The following ZNF250 variants were observed in gnomAD, a reference collection of about 807,000 sequenced individuals.
The protein encoded by ZNF250 is zinc finger protein 250.
A neutral mutation model predicts 37.1 loss-of-function variants in ZNF250; 13 were observed. That is an observed-to-expected ratio of 0.35 (90% confidence interval 0.23 to 0.56). The LOEUF is 0.56. ZNF250 is among the 20% of genes least tolerant of loss of function. The probability of loss-of-function intolerance (pLI) is 0.87; values close to 1 mark genes in which losing one functional copy is unlikely to be tolerated. For synonymous variants in ZNF250, 251 were observed against 265.6 expected (o/e 0.94, Z 0.54); for missense variants, 474 against 697.9 (o/e 0.68, Z 3.61).
At chr8:144,883,391 G>A (rs1041240027) in intron 5 of ZNF250, among the ~76,000 whole-genome samples, 2 of 151,552 alleles carry the variant, frequency 1.3e-5, no homozygotes, top group Middle Eastern at 3.4e-3. Context: ...CCAGGCTGGA[G>A]TGCAGTGGCA....
chr8:144,893,021 G>C (rs28415729), intron 1 of ZNF250, among the ~76,000 whole-genome samples: 1 of 150,408 alleles, frequency 6.6e-6, no homozygotes, highest in Non-Finnish European at 1.5e-5. Flanking sequence ...CAGCACGCTC[G>C]GCTAATTTTT....
chr8:144,888,414 T>C (rs1832051799), intron 4 of ZNF250, among the ~76,000 whole-genome samples: 2 of 151,896 alleles, frequency 1.3e-5, no homozygotes, highest in Admixed American at 6.6e-5. Flanking sequence ...CTGGCCAACA[T>C]GGTGAAATCC....
rs1832174515 is a variant in ZNF250, at chr8:144,889,705, G to C, written c.170-11C>G. The stretch of plus-strand genomic sequence containing the variant: ...TGGATCCTGGAAGTCCTGCTCGTGG[G>C]GAGGGAAGTCTTTGTTTACACAACA... On this transcript the variant is annotated splice_polypyrimidine_tract_variant and intron_variant, in intron 3 of 5. Coordinates refer to ENST00000417550, the MANE Select transcript of ZNF250 (RefSeq NM_001109689.4). 2 of 1,611,612 alleles carry C rather than the reference G, an allele frequency of 1.2e-6. No homozygotes were observed. The highest frequency in any genetic ancestry group is 2.7e-5 in the African/African-American group (2 of 74,890).
In ZNF250 at chr8:144,901,362, G is replaced by C. The variant is rs1833096973; in HGVS notation, c.-55+37C>G. On this transcript the variant is annotated intron_variant, in intron 1 of 5. Transcript: ENST00000417550. The surrounding 1 kb of genome is among the most constrained non-coding windows in gnomAD (Gnocchi z 5.4). ...CGGCTCCGGTGTCCGTGATGGGAGA[G>C]GGTCCTGGCCGGCGACGACACGCGC... 6.6e-6 allele frequency: 1 copy of C among 152,538 alleles called. No individual in the cohort carries two copies. 9.4% of individuals were successfully genotyped at this position (152,538 alleles called of 1,614,324 possible).
In ZNF250 at chr8:144,881,101, G is replaced by A. The variant is rs183634333; in HGVS notation, c.*414C>T. ...AAATAGTCCGACTTTCAAATTTTAA[G>A]TGCAATAATTAGTATGGTTAATTGA... On this transcript the variant is annotated 3_prime_UTR_variant, in exon 6 of 6. Transcript: ENST00000417550. 118 of 163,608 alleles carry A rather than the reference G, an allele frequency of 7.2e-4. 2 individuals carry two copies. In the East Asian group the frequency reaches 0.016, roughly 22 times the overall value. 10.1% of individuals were successfully genotyped at this position (163,608 alleles called of 1,614,324 possible).
intron 1 of ZNF250, among the ~76,000 whole-genome samples, chr8:144,900,780 G>A (rs1263116130): frequency 1.3e-5 from 2 of 152,186 alleles, no homozygotes; most frequent in Non-Finnish European, 2.9e-5. Context: ...ACTTTTTATA[G>A]CTAAGTAAAG....
intron 5 of ZNF250, among the ~76,000 whole-genome samples, chr8:144,883,666 A>C (rs1831663434): frequency 6.6e-6 from 1 of 151,094 alleles, no homozygotes; most frequent in Non-Finnish European, 1.5e-5. Flanking sequence ...CATGTGGAGA[A>C]TGCAGTGGCA....
In ZNF250 at chr8:144,882,950, G is replaced by T; in HGVS notation, c.347-114C>A. 8.8e-7 allele frequency: 1 copy of T among 1,142,676 alleles called. No individual in the cohort carries two copies. The highest frequency in any genetic ancestry group is 1.3e-6 in the Non-Finnish European group (1 of 797,932). The allele number at this position is 1,142,676 out of a possible 1,614,324, so 70.8% of individuals were successfully genotyped here. A position where few individuals can be genotyped will look rare whatever the true frequency, so the allele number is the denominator to read the frequency against. ...TGCAAAATCCCTCAATGCACACGTT[G>T]GTGTGAGCTACAGAAGAACAGAACC... On this transcript the variant is annotated intron_variant, in intron 5 of 5. Coordinates refer to ENST00000417550, the MANE Select transcript of ZNF250 (RefSeq NM_001109689.4). The surrounding 1 kb of genome is among the most constrained non-coding windows in gnomAD (Gnocchi z 5.5).
At position 144,879,029 on chromosome 8, in the gene ZNF250, C is replaced by A. The variant is rs937644117; in HGVS notation, c.*2486G>T. 6 of 152,222 alleles carry A rather than the reference C, an allele frequency of 3.9e-5. No homozygotes were observed. Among genetic ancestry groups the A allele is most frequent in the Non-Finnish European group, 7.3e-5 (5 of 68,036 alleles). 9.4% of individuals were successfully genotyped at this position (152,222 alleles called of 1,614,324 possible). On this transcript the variant is annotated 3_prime_UTR_variant, in exon 6 of 6. Coordinates refer to ENST00000417550, the MANE Select transcript of ZNF250 (RefSeq NM_001109689.4). ...CTTTCTGAAGTGACGCCTCAGTGATCTCAGCTCTTCTCCAAAGAAACAGTT... is the reference window on the plus strand; with the variant it reads ...CTTTCTGAAGTGACGCCTCAGTGATATCAGCTCTTCTCCAAAGAAACAGTT...
Position 144,891,063 on chromosome 8 carries a change from G to A in ZNF250, c.-54-660C>T, listed in dbSNP as rs1195450898. ...TGAGAAGGGGATGCTTGGGGTAGTGGGGCTGGTGCTGGAACGTAACAGGAC... is the reference window on the plus strand; with the variant it reads ...TGAGAAGGGGATGCTTGGGGTAGTGAGGCTGGTGCTGGAACGTAACAGGAC... On this transcript the variant is annotated intron_variant, in intron 1 of 5. Transcript: ENST00000417550. The surrounding 1 kb of genome is among the most constrained non-coding windows in gnomAD (Gnocchi z 4.0). Among the ~76,000 whole-genome samples, 1 of 152,112 alleles carries A rather than the reference G, an allele frequency of 6.6e-6. No individual in the cohort carries two copies. The highest frequency in any genetic ancestry group is 2.4e-5 in the African/African-American group (1 of 41,408).
chr8:144,890,111 G>C lies in ZNF250; in HGVS notation c.43-52C>G. The C allele has an allele frequency of 6.3e-7, 1 of 1,592,864 alleles. No individual in the cohort carries two copies. Among genetic ancestry groups the C allele is most frequent in the Non-Finnish European group, 8.6e-7 (1 of 1,169,456 alleles). ...AAAACCAAATCCTGATGTCTGTGAT[G>C]GGGAGTGGGTGCATGTGACATGTGA... On this transcript the variant is annotated intron_variant, in intron 2 of 5. Transcript: ENST00000417550. The surrounding 1 kb of genome is among the most constrained non-coding windows in gnomAD (Gnocchi z 5.1).
chr8:144,882,556 G>A lies in ZNF250; in HGVS notation c.627C>T (p.Leu209=), dbSNP rs752131458. The change falls in exon 6 of 6, where the codon CTC becomes CTT. Residue 209 remains leucine, a synonymous_variant. Transcript: ENST00000417550. This position sits in a 1 kb window ranked among gnomAD's most constrained non-coding sequence, Gnocchi z 5.5. ...CAGTGTGGATACGCTGATGCTGAAGGAGGTGGGAACTCCGGCCAAAGCACT... is the reference window on the plus strand; with the variant it reads ...CAGTGTGGATACGCTGATGCTGAAGAAGGTGGGAACTCCGGCCAAAGCACT... ...CGKCFGRSSH[L]LQHQRIHTGE... is the part of the protein sequence containing the mutation. 2 of 1,614,056 alleles carry A rather than the reference G, an allele frequency of 1.2e-6. No individual in the cohort carries two copies. The highest frequency in any genetic ancestry group is 1.7e-6 in the Non-Finnish European group (2 of 1,180,030).
At chr8:144,893,727 T>C (rs899492028) in intron 1 of ZNF250, among the ~76,000 whole-genome samples, 2 of 152,186 alleles carry the variant, frequency 1.3e-5, no homozygotes, top group Non-Finnish European at 2.9e-5. Flanking sequence ...CAATCACACC[T>C]GGGCTGTGAC....
rs1832276905 is a variant in ZNF250 at position 144,890,757 on chromosome 8, C to T, written c.-54-354G>A. On this transcript the variant is annotated intron_variant, in intron 1 of 5. Coordinates refer to ENST00000417550, the MANE Select transcript of ZNF250 (RefSeq NM_001109689.4). This position sits in a 1 kb window ranked among gnomAD's most constrained non-coding sequence, Gnocchi z 5.1. ...GGCTCTGTGTGTTCTATACCTGAGG[C>T]CCTCACACAAGTACCAGACTGTCCG... 1.3e-5 allele frequency among the ~76,000 whole-genome samples: 2 copies of T among 152,154 alleles called. No individual in the cohort carries two copies. Among genetic ancestry groups the T allele is most frequent in the Non-Finnish European group, 2.9e-5 (2 of 68,012 alleles).
rs1208735259 is a variant in ZNF250 at position 144,881,117 on chromosome 8, G to C, written c.*398C>G. 1 of 169,892 alleles carries C rather than the reference G, an allele frequency of 5.9e-6. No individual in the cohort carries two copies. Among genetic ancestry groups the C allele is most frequent in the Non-Finnish European group, 1.3e-5 (1 of 78,128 alleles). 10.5% of individuals were successfully genotyped at this position (169,892 alleles called of 1,614,324 possible). ...AAATTTTAAGTGCAATAATTAGTAT[G>C]GTTAATTGATATTTAGGAAGGGCAT... On this transcript the variant is annotated 3_prime_UTR_variant, in exon 6 of 6. Coordinates refer to ENST00000417550, the MANE Select transcript of ZNF250 (RefSeq NM_001109689.4).
Position 144,897,947 on chromosome 8 carries a change from C to T in ZNF250, c.-55+3452G>A, listed in dbSNP as rs929989462. Among the ~76,000 whole-genome samples, 1 of 152,158 alleles carries T rather than the reference C, an allele frequency of 6.6e-6. No individual in the cohort carries two copies. Among genetic ancestry groups the T allele is most frequent in the Non-Finnish European group, 1.5e-5 (1 of 68,030 alleles). On this transcript the variant is annotated intron_variant, in intron 1 of 5. Transcript: ENST00000417550. This position sits in a 1 kb window ranked among gnomAD's most constrained non-coding sequence, Gnocchi z 5.2. ...GGCCAGGTGTTCCTTGCCCTCATTC[C>T]GGTAAACCCACAACCACAACCTTCC...
Position 144,880,408 on chromosome 8 carries a change from C to T in ZNF250, c.*1107G>A, listed in dbSNP as rs1056314785. On this transcript the variant is annotated 3_prime_UTR_variant, in exon 6 of 6. Transcript: ENST00000417550. ...GGTCTGCTGAGTGTGAAGCTCCCCT[C>T]CTTTGCCTGCATGGGAATTGAGACA... 4.4e-6 allele frequency: 2 copies of T among 456,638 alleles called. No individual in the cohort carries two copies. The highest frequency in any genetic ancestry group is 4.4e-6 in the Non-Finnish European group (1 of 227,004). The allele number at this position is 456,638 out of a possible 1,614,324, so 28.3% of individuals were successfully genotyped here.
intron 1 of ZNF250, among the ~76,000 whole-genome samples, chr8:144,899,469 T>C (rs1164650626): frequency 6.6e-6 from 1 of 152,202 alleles, no homozygotes; most frequent in African/African-American, 2.4e-5. Context: ...TTGTATGCTA[T>C]CCTTGTATCA....
Position 144,877,000 on chromosome 8 carries a change from A to T in ZNF250, c.*4515T>A, listed in dbSNP as rs533618359. ...TTGGAAAGCGTCAGATTATACACAGAAATTCCAGGCAGACTAAAATGTTTT... is the reference window on the plus strand; with the variant it reads ...TTGGAAAGCGTCAGATTATACACAGTAATTCCAGGCAGACTAAAATGTTTT... On this transcript the variant is annotated 3_prime_UTR_variant, in exon 6 of 6. Transcript: ENST00000417550. The T allele has an allele frequency of 1.3e-4, 20 of 152,276 alleles. No individual in the cohort carries two copies. Among genetic ancestry groups the T allele is most frequent in the Non-Finnish European group, 2.9e-4 (20 of 68,056 alleles). 9.4% of individuals were successfully genotyped at this position (152,276 alleles called of 1,614,324 possible). A position where few individuals can be genotyped will look rare whatever the true frequency, so the allele number is the denominator to read the frequency against.
Sources: gnomAD v4.1 joint callset for allele counts (sites outside exome capture counted in the v4.1 genomes callset) on GRCh38, gnomAD v4.1.1 for gene constraint, Gnocchi (gnomAD v3.1) non-coding constraint, MANE v1.5 for transcripts, NCBI Gene and HGNC (gene_info 2026-07-23, HGNC 2026-07-21) for gene names.